FHAD1: variants seen among roughly 807,000 people sequenced by gnomAD.
The protein encoded by FHAD1 is forkhead associated phosphopeptide binding domain 1, also known as forkhead-associated domain-containing protein 1.
In FHAD1, 146 loss-of-function variants were observed where a neutral mutation model predicts 191.3. That is an observed-to-expected ratio of 0.76 (90% CI 0.67 to 0.88). The LOEUF (loss-of-function observed/expected upper bound fraction) is 0.88. FHAD1 is among the 40% of genes least tolerant of loss of function. The pLI is 0.00. For missense variants in FHAD1, 1,635 were observed against 1,785.8 expected (o/e 0.92, Z 1.52); for synonymous variants, 616 against 672.3 (o/e 0.92, Z 1.29).
intron 22 of FHAD1, 47 bp from the exon 23 acceptor site, chr1:15,362,595 G>A: frequency 6.9e-7 from 1 of 1,459,486 alleles, no homozygotes; most frequent in East Asian, 2.5e-5. Flanking sequence ...TAAGCAAAGG[G>A]GAAGGACAGT....
intron 6 of FHAD1, among the ~76,000 whole-genome samples, chr1:15,304,857 C>G (rs771453793): frequency 2.0e-5 from 3 of 152,098 alleles, no homozygotes; most frequent in African/African-American, 7.2e-5. Context: ...ATTCTACCAC[C>G]GAGTCATAGC....
At chr1:15,345,359 A>G in intron 17 of FHAD1, 57 bp from the exon 18 acceptor site, 1 of 1,485,160 alleles carries the variant, frequency 6.7e-7, no homozygotes, top group Admixed American at 2.0e-5. Context: ...GGTGCCTGGC[A>G]GAGTCCAGTT....
At chr1:15,246,291 T>A (rs1268106234), upstream of FHAD1, among the ~76,000 whole-genome samples, 3 of 151,972 alleles carry the variant, frequency 2.0e-5, no homozygotes, top group Non-Finnish European at 4.4e-5. Flanking sequence ...ACGTGGGGAG[T>A]GCAATTCGAG....
chr1:15,396,530 C>T (rs576787149), intron 33 of FHAD1, among the ~76,000 whole-genome samples: 30 of 152,134 alleles, frequency 2.0e-4, no homozygotes, highest in African/African-American at 6.5e-4. Context: ...CAAAACCAGC[C>T]GGGTGTGGTG....
In FHAD1 at chr1:15,276,726, C is replaced by T. The variant is rs865944776; in HGVS notation, c.300+4197C>T. ...CTGAGGCACAAGAATTGCTTGAACC[C>T]GGGAGGCAGAGGTTGCAATGAGCGA... is the stretch of plus-strand genomic sequence containing the variant. On this transcript the variant is annotated intron_variant, in intron 3 of 33. Transcript: ENST00000688493. The surrounding 1 kb of genome is among the most constrained non-coding windows in gnomAD (Gnocchi z 4.7). Among the ~76,000 whole-genome samples, 7 of 151,774 alleles carry T rather than the reference C, an allele frequency of 4.6e-5. No homozygotes were observed. The highest frequency in any genetic ancestry group is 2.1e-4 in the South Asian group (1 of 4,816).
chr1:15,279,152 G>A (rs144281390), intron 3 of FHAD1, among the ~76,000 whole-genome samples: 2 of 152,072 alleles, frequency 1.3e-5, no homozygotes, highest in African/African-American at 2.4e-5. Flanking sequence ...GGTAAATTTG[G>A]TGCATGATTA....
At chr1:15,286,139 C>A (rs1172832237) in intron 3 of FHAD1, among the ~76,000 whole-genome samples, 1 of 152,204 alleles carries the variant, frequency 6.6e-6, no homozygotes, top group East Asian at 1.9e-4. Context: ...TTAGACTATA[C>A]TTAAAAATAC....
intron 17 of FHAD1, 85 bp from the exon 18 acceptor site, chr1:15,345,331 G>C (rs1688455659): frequency 7.2e-7 from 1 of 1,392,656 alleles, no homozygotes; most frequent in Non-Finnish European, 9.9e-7. Flanking sequence ...TAGTCTGGAG[G>C]GAAGAGGAAA....
intron 2 of FHAD1, among the ~76,000 whole-genome samples, chr1:15,257,177 A>G (rs1335174790): frequency 6.6e-6 from 1 of 152,226 alleles, no homozygotes; most frequent in Non-Finnish European, 1.5e-5. Context: ...GTCAAAGGAC[A>G]TGTATGGCTG....
intron 20 of FHAD1, among the ~76,000 whole-genome samples, chr1:15,355,165 T>C (rs1692288414): frequency 6.7e-6 from 1 of 149,922 alleles, no homozygotes; most frequent in African/African-American, 2.5e-5. Flanking sequence ...GTCAAGGTCA[T>C]GCCATTGCAC....
intron 4 of FHAD1, among the ~76,000 whole-genome samples, chr1:15,293,525 C>G (rs2100695384): frequency 6.6e-6 from 1 of 152,226 alleles, no homozygotes; most frequent in South Asian, 2.1e-4. Flanking sequence ...TGAGACCAGC[C>G]TGACTAACAT....
chr1:15,273,669 T>C (rs185369601), intron 3 of FHAD1, among the ~76,000 whole-genome samples: 1 of 152,322 alleles, frequency 6.6e-6, no homozygotes, highest in East Asian at 1.9e-4. Context: ...GAAAGAAACC[T>C]GTGAGATACT....
intron 19 of FHAD1, 37 bp downstream of exon 19, chr1:15,349,186 A>G (rs963136946): frequency 1.1e-5 from 16 of 1,445,876 alleles, no homozygotes; most frequent in Non-Finnish European, 1.4e-5. Flanking sequence ...TCTGGAAGGA[A>G]CTACAAAGCC....
chr1:15,336,847 TG>T (rs910355141), intron 14 of FHAD1, among the ~76,000 whole-genome samples: 2 of 152,232 alleles, frequency 1.3e-5, no homozygotes, highest in African/African-American at 4.8e-5. Flanking sequence ...TTCTCTTTTT[TG>T]AAACCCTTTA....
intron 20 of FHAD1, among the ~76,000 whole-genome samples, chr1:15,353,397 C>A (rs1314770547): frequency 1.3e-5 from 2 of 152,132 alleles, no homozygotes; most frequent in Non-Finnish European, 2.9e-5. Context: ...GTGGGCTCAG[C>A]TGCCTGGCTT....
chr1:15,271,795 T>TATA (rs1410294473), intron 2 of FHAD1, among the ~76,000 whole-genome samples: 1 of 152,188 alleles, frequency 6.6e-6, no homozygotes, highest in African/African-American at 2.4e-5. Flanking sequence ...AGGGTGGGAT[T>TATA]ATAAGTAACG....
At chr1:15,293,285 A>G (rs1250298639) in intron 4 of FHAD1, among the ~76,000 whole-genome samples, 1 of 152,220 alleles carries the variant, frequency 6.6e-6, no homozygotes, top group East Asian at 1.9e-4. Context: ...CCACTCTTCC[A>G]AATTCTTTTT....
At chr1:15,264,450 A>T (rs571218679) in intron 2 of FHAD1, among the ~76,000 whole-genome samples, 3 of 152,038 alleles carry the variant, frequency 2.0e-5, no homozygotes, top group Admixed American at 2.0e-4. Context: ...TTGTTAGTGT[A>T]TAGAAATACC....
At chr1:15,374,140 A>G (rs1698895314) in intron 26 of FHAD1, among the ~76,000 whole-genome samples, 1 of 152,254 alleles carries the variant, frequency 6.6e-6, no homozygotes, top group Non-Finnish European at 1.5e-5. Context: ...ATGGGTTCTC[A>G]TCTGAAAATG....
Sources: allele counts gnomAD v4.1 joint callset (sites outside exome capture counted in the v4.1 genomes callset), GRCh38; gene constraint gnomAD v4.1.1; non-coding constraint Gnocchi (gnomAD v3.1); transcripts MANE v1.5; gene names NCBI Gene and HGNC (gene_info 2026-07-23, HGNC 2026-07-21).